The following LMTK2 variants were observed in gnomAD, a reference collection of about 807,000 sequenced individuals.
The protein encoded by LMTK2 is lemur tail kinase 2.
In LMTK2, 37 loss-of-function variants were observed where a neutral mutation model predicts 127.5. The ratio of observed to expected loss-of-function variants is 0.29; its 90% confidence interval spans 0.22 to 0.38. The LOEUF (loss-of-function observed/expected upper bound fraction) is 0.38. LMTK2 is among the 10% of genes least tolerant of loss of function. The pLI, the probability that LMTK2 is intolerant of heterozygous loss-of-function variation, is 1.00. For synonymous variants in LMTK2, 819 were observed against 810.1 expected (o/e 1.01, Z -0.19); for missense variants, 1,694 against 1,920.3 (o/e 0.88, Z 2.20).
At chr7:98,125,923 C>G (rs1296999308) in intron 1 of LMTK2, among the ~76,000 whole-genome samples, 2 of 152,152 alleles carry the variant, frequency 1.3e-5, no homozygotes, top group Non-Finnish European at 2.9e-5. Context: ...TCTCTCACCG[C>G]CAGGCCTGCT....
rs139579653 is a variant in LMTK2, at chr7:98,193,129, C to A, written c.2664C>A (p.Gly888=). The A allele has an allele frequency of 1.2e-6, 2 of 1,613,496 alleles. No homozygotes were observed. Among genetic ancestry groups the A allele is most frequent in the African/African-American group, 1.3e-5 (1 of 74,920 alleles). Residue 888 remains glycine (G), a synonymous_variant, in exon 11 of 14, where the codon GGC becomes GGA. Coordinates refer to ENST00000297293, the MANE Select transcript of LMTK2 (RefSeq NM_014916.4). This position sits in a 1 kb window ranked among gnomAD's most constrained non-coding sequence, Gnocchi z 4.1. The part of the protein sequence containing the change: ...SLDNRSQDSP[G]ESEETLRLTE... Reference sequence around the variant, plus strand: ...ATAACAGGTCCCAGGACTCTCCTGGCGAGAGTGAGGAGACCCTGCGACTCA... The same window carrying A: ...ATAACAGGTCCCAGGACTCTCCTGGAGAGAGTGAGGAGACCCTGCGACTCA...
Position 98,192,306 on chromosome 7 carries a change from A to G in LMTK2, c.1841A>G (p.Lys614Arg), listed in dbSNP as rs1797541064. The G allele has an allele frequency of 6.5e-7, 1 of 1,549,258 alleles. No homozygotes were observed. Among genetic ancestry groups the G allele is most frequent in the Non-Finnish European group, 8.7e-7 (1 of 1,154,540 alleles). ...TTCTTCCAAAGCAGTACAGACCCCA[A>G]AGACTCTAGCTTACCAGGGGACTTA... ...EDFFQSSTDP[K>R]DSSLPGDLHV... Residue 614 changes from lysine (K) to arginine (R), a missense_variant, in exon 11 of 14, where the codon AAA (lysine) becomes AGA (arginine). By Grantham distance (26) the Lys-to-Arg change is conservative. Around this residue, in one of 8 missense-constraint regions of LMTK2, gnomAD observed 527 missense variants for 539.8 expected, o/e 0.98. Coordinates refer to ENST00000297293, the MANE Select transcript of LMTK2 (RefSeq NM_014916.4).
chr7:98,145,195 T>A (rs980416414), intron 3 of LMTK2, among the ~76,000 whole-genome samples: 2 of 152,016 alleles, frequency 1.3e-5, no homozygotes, highest in Non-Finnish European at 2.9e-5. Flanking sequence ...TGTTATAAAT[T>A]TAGGATGCTA....
chr7:98,117,544 T>A (rs1042482031), intron 1 of LMTK2, among the ~76,000 whole-genome samples: 15 of 152,168 alleles, frequency 9.9e-5, no homozygotes, highest in Admixed American at 7.9e-4. Context: ...CATTTTTTTT[T>A]TAAGCATTTC....
Position 98,195,036 on chromosome 7 carries a change from T to TTTTTG in LMTK2, c.4107+479_4107+483dup, listed in dbSNP as rs1487373051. Among the ~76,000 whole-genome samples the TTTTTG allele has an allele frequency of 8.5e-5, 13 of 152,188 alleles. No individual in the cohort carries two copies. The South Asian group carries it at 1.9e-3, about 22-fold the overall frequency. ...ATGGCTGGCTAAGGTTTTGGTGTTT[T>TTTTTG]TTTTGTTTTGTTTTGTTTTTAATTT... On this transcript the variant is annotated intron_variant, in intron 11 of 13. Coordinates refer to ENST00000297293, the MANE Select transcript of LMTK2 (RefSeq NM_014916.4).
At chr7:98,186,167 G>A (rs1034368132) in intron 8 of LMTK2, among the ~76,000 whole-genome samples, 7 of 151,772 alleles carry the variant, frequency 4.6e-5, no homozygotes, top group East Asian at 2.0e-4. Context: ...GGGTTCAAGC[G>A]ATTCTCCTGC....
chr7:98,186,620 C>T (rs917493833), intron 8 of LMTK2, among the ~76,000 whole-genome samples: 11 of 152,290 alleles, frequency 7.2e-5, no homozygotes, highest in African/African-American at 2.6e-4. Flanking sequence ...ATGCATCAGA[C>T]ACAGCGTACT....
chr7:98,153,738 C>T lies in LMTK2; in HGVS notation c.451-1020C>T, dbSNP rs1000284405. On this transcript the variant is annotated intron_variant, in intron 4 of 13. Transcript: ENST00000297293. ...AAAATTCGCTGAGTGGGATGGCACACGCCTGTGGTCCCAGCTACACGGAAG... is the reference window on the plus strand; with the variant it reads ...AAAATTCGCTGAGTGGGATGGCACATGCCTGTGGTCCCAGCTACACGGAAG... 9.9e-5 allele frequency among the ~76,000 whole-genome samples: 15 copies of T among 152,018 alleles called. No individual in the cohort carries two copies. The South Asian group carries it at 1.2e-3, about 13-fold the overall frequency.
chr7:98,156,640 A>G (rs1186313554), intron 5 of LMTK2, among the ~76,000 whole-genome samples: 1 of 152,200 alleles, frequency 6.6e-6, no homozygotes, highest in Non-Finnish European at 1.5e-5. Flanking sequence ...ATATATTAGC[A>G]TTAGTTATAT....
intron 1 of LMTK2, among the ~76,000 whole-genome samples, chr7:98,117,596 A>G (rs1448079666): frequency 1.3e-5 from 2 of 151,984 alleles, no homozygotes; most frequent in African/African-American, 2.4e-5. Flanking sequence ...TTCATCTTGT[A>G]TATTCCCTGC....
rs1213275484 is a variant in LMTK2, at chr7:98,193,452, C to T, written c.2987C>T (p.Thr996Ile). 1 of 1,614,038 alleles carries T rather than the reference C, an allele frequency of 6.2e-7. No individual in the cohort carries two copies. The highest frequency in any genetic ancestry group is 8.5e-7 in the Non-Finnish European group (1 of 1,180,036). The part of the protein sequence containing the change: ...PFPASEPSLE[T>I]PDSLESVDVH... The stretch of plus-strand genomic sequence containing the variant: ...CCAGCCTCTGAGCCGTCCCTGGAAA[C>T]CCCGGACTCTCTGGAGTCAGTGGAT... Residue 996 changes from threonine to isoleucine, a missense_variant, in exon 11 of 14, where the codon ACC becomes ATC. Around this residue, in one of 8 missense-constraint regions of LMTK2, gnomAD observed 65 missense variants for 116.5 expected, o/e 0.56. Coordinates refer to ENST00000297293, the MANE Select transcript of LMTK2 (RefSeq NM_014916.4). The surrounding 1 kb of genome is among the most constrained non-coding windows in gnomAD (Gnocchi z 4.1).
chr7:98,190,964 A>G (rs1797513995), intron 10 of LMTK2, 87 bp downstream of exon 10: 7 of 1,239,806 alleles, frequency 5.6e-6, no homozygotes, highest in Non-Finnish European at 7.0e-6. Context: ...GCCAAATATT[A>G]TGTTTCTTCA....
At chr7:98,126,252 A>G (rs1247512891) in intron 1 of LMTK2, among the ~76,000 whole-genome samples, 1 of 152,086 alleles carries the variant, frequency 6.6e-6, no homozygotes, top group Non-Finnish European at 1.5e-5. Context: ...ACTGCCATTG[A>G]CTCGCCTGCA....
At position 98,125,041 on chromosome 7, in the gene LMTK2, C is replaced by A. The variant is rs558184063; in HGVS notation, c.104-12274C>A. Among the ~76,000 whole-genome samples the A allele has an allele frequency of 8.5e-4, 129 of 151,144 alleles. 1 individual carries two copies. The highest frequency in any genetic ancestry group is 1.5e-3 in the South Asian group (7 of 4,784). On this transcript the variant is annotated intron_variant, in intron 1 of 13. Transcript: ENST00000297293. The stretch of plus-strand genomic sequence containing the variant: ...CAGTCCAGGCTAGGCGCATGGCTCA[C>A]GCCTGTAATCCCAGCACTTTGGGAG...
chr7:98,196,778 C>A (rs1323006674), intron 11 of LMTK2, among the ~76,000 whole-genome samples: 1 of 152,130 alleles, frequency 6.6e-6, no homozygotes, highest in Non-Finnish European at 1.5e-5. Flanking sequence ...ATGGAAGGTA[C>A]AGAGATCAAA....
At chr7:98,163,128 G>A (rs939836382) in intron 6 of LMTK2, among the ~76,000 whole-genome samples, 2 of 152,278 alleles carry the variant, frequency 1.3e-5, no homozygotes, top group South Asian at 2.1e-4. Flanking sequence ...GGTGGGCTGG[G>A]GCTGGGAAAT....
intron 7 of LMTK2, among the ~76,000 whole-genome samples, chr7:98,175,000 G>A (rs181550221): frequency 7.9e-5 from 12 of 152,262 alleles, no homozygotes; most frequent in African/African-American, 2.9e-4. Context: ...TGATTTGATC[G>A]TCAGGGCCAC....
At chr7:98,152,957 T>C (rs745412458) in intron 4 of LMTK2, among the ~76,000 whole-genome samples, 3 of 152,018 alleles carry the variant, frequency 2.0e-5, no homozygotes, top group Non-Finnish European at 4.4e-5. Flanking sequence ...GGATAAGACA[T>C]GGACTGTGGA....
At chr7:98,165,796 C>T (rs752155134) in intron 6 of LMTK2, among the ~76,000 whole-genome samples, 10 of 152,118 alleles carry the variant, frequency 6.6e-5, no homozygotes, top group East Asian at 1.9e-4. Context: ...AGATGGATGA[C>T]GTGTCGTTGC....
Sources: allele counts gnomAD v4.1 joint callset (sites outside exome capture counted in the v4.1 genomes callset), GRCh38; gene constraint gnomAD v4.1.1; regional missense constraint gnomAD v4.1.1; non-coding constraint Gnocchi (gnomAD v3.1); transcripts MANE v1.5; gene names NCBI Gene and HGNC (gene_info 2026-07-23, HGNC 2026-07-21).